DNAH17: variants seen among roughly 807,000 people sequenced by gnomAD.
The protein encoded by DNAH17 is axonemal beta dynein heavy chain 17.
In DNAH17, 376 loss-of-function variants were observed where a neutral mutation model predicts 485.6. The ratio of observed to expected loss-of-function variants is 0.77; its 90% CI spans 0.71 to 0.84. DNAH17 has a LOEUF of 0.84. DNAH17 is among the 40% of genes least tolerant of loss of function. The pLI is 0.00. For synonymous variants in DNAH17, 3,031 were observed against 2,405.9 expected, an observed-to-expected ratio of 1.26 and a Z score of -7.60; for missense variants, 6,370 against 5,839.3, an observed-to-expected ratio of 1.09 and a Z score of -2.96.
rs760506918 is a variant in DNAH17, at chr17:78,567,085, G to A, written c.1366C>T (p.Leu456=). 68 of 1,613,250 alleles carry A rather than the reference G, an allele frequency of 4.2e-5. No individual in the cohort carries two copies. The Admixed American group carries it at 1.1e-3, about 27-fold the overall frequency. ...GGVRGNLLGS[L]VTRIYDEVFE... Reference sequence around the variant, plus strand: ...ACCTCATCATAGATACGGGTCACCAGGCTCCCGAGGAGGTTCCCACGCACG... The same window carrying A: ...ACCTCATCATAGATACGGGTCACCAAGCTCCCGAGGAGGTTCCCACGCACG... The change falls in exon 10 of 81, where the codon CTG becomes TTG. Residue 456 remains leucine, a synonymous_variant. Coordinates refer to ENST00000389840, the MANE Select transcript of DNAH17 (RefSeq NM_173628.4).
At chr17:78,562,552 G>A (rs756132452) in intron 11 of DNAH17, among the ~76,000 whole-genome samples, 74 of 152,144 alleles carry the variant, frequency 4.9e-4, no homozygotes, top group South Asian at 1.0e-3. Context: ...AGCCCCAGAG[G>A]TCAAGGCTGC....
At chr17:78,493,954 G>A in intron 41 of DNAH17, 82 bp downstream of exon 41, 1 of 1,501,198 alleles carries the variant, frequency 6.7e-7, no homozygotes, top group East Asian at 2.4e-5. Flanking sequence ...GGGTGGCGGG[G>A]AGTGATGGAG....
At chr17:78,479,195 C>T (rs2089240486) in intron 50 of DNAH17, 79 bp from the exon 51 acceptor site, 7 of 1,394,890 alleles carry the variant, frequency 5.0e-6, no homozygotes, top group Non-Finnish European at 7.0e-6. Flanking sequence ...TTTCTAAAGC[C>T]AATGGACTAC....
In DNAH17 at chr17:78,505,394, G is replaced by A. The variant is rs754721781; in HGVS notation, c.4855C>T (p.Arg1619Trp). The A allele has an allele frequency of 2.2e-5, 35 of 1,613,856 alleles. No homozygotes were observed. The highest frequency in any genetic ancestry group is 2.5e-5 in the Non-Finnish European group (29 of 1,179,892). The change falls in exon 31 of 81, where the codon CGG becomes TGG. Residue 1619 changes from arginine to tryptophan, a missense_variant. By Grantham distance (101) the Arg-to-Trp change is moderately radical. Coordinates refer to ENST00000389840, the MANE Select transcript of DNAH17 (RefSeq NM_173628.4). ...AGAGGTTTGTCACTGGCATCGAGCC[G>A]GAACTTCAGTTTACACAGGCTATCG... The part of the protein sequence containing the change: ...LFDSLCKLKF[R>W]LDASDKPLKV...
intron 16 of DNAH17, among the ~76,000 whole-genome samples, chr17:78,544,324 G>A (rs140540150): frequency 6.6e-6 from 1 of 152,334 alleles, no homozygotes; most frequent in Non-Finnish European, 1.5e-5. Context: ...TAGGGGGACG[G>A]AAGGACCCGA....
At position 78,561,822 on chromosome 17, in the gene DNAH17, G is replaced by C. The variant is rs773153640; in HGVS notation, c.1728C>G (p.Pro576=). 6.2e-7 allele frequency: 1 copy of C among 1,613,914 alleles called. No individual in the cohort carries two copies. The highest frequency in any genetic ancestry group is 1.1e-5 in the South Asian group (1 of 91,066). The part of the protein sequence containing the change: ...QMAASEEGNI[P]LIHKNMPPVA... ...CGGGAGGCATGTTTTTGTGGATCAG[G>C]GGGATGTTCCCCTCCTCGGAGGCCG... is the stretch of plus-strand genomic sequence containing the variant. The change falls in exon 12 of 81, where the codon CCC becomes CCG. Residue 576 remains proline (P), a synonymous_variant. Coordinates refer to ENST00000389840, the MANE Select transcript of DNAH17 (RefSeq NM_173628.4).
In DNAH17 at chr17:78,476,578, G is replaced by A; in HGVS notation, c.8148C>T (p.Phe2716=). Residue 2716 remains phenylalanine, a synonymous_variant, in exon 52 of 81, where the codon TTC becomes TTT. Coordinates refer to ENST00000389840, the MANE Select transcript of DNAH17 (RefSeq NM_173628.4). Reference sequence around the variant, plus strand: ...ACTGGGCAGCTTGACTTACATCAAAGAACTTCTTGGTGGAGGCCATGGTGA... The same window carrying A: ...ACTGGGCAGCTTGACTTACATCAAAAAACTTCTTGGTGGAGGCCATGGTGA... ...HRVTMASTKK[F]FDDLGDELLF... The A allele has an allele frequency of 6.2e-7, 1 of 1,609,622 alleles. No individual in the cohort carries two copies. The highest frequency in any genetic ancestry group is 8.5e-7 in the Non-Finnish European group (1 of 1,177,996).
In DNAH17 at chr17:78,544,218, A is replaced by C. The variant is rs2091686800; in HGVS notation, c.2392-221T>G. ...AATAATTTAGCTCAAAACCAAAACC[A>C]GGGCCTAGGGGAACCACAGAAAGAC... On this transcript the variant is annotated intron_variant, in intron 16 of 80. Coordinates refer to ENST00000389840, the MANE Select transcript of DNAH17 (RefSeq NM_173628.4). Among the ~76,000 whole-genome samples the C allele has an allele frequency of 2.0e-5, 3 of 152,174 alleles. 1 individual carries two copies. In the South Asian group the frequency reaches 6.2e-4, roughly 32 times the overall value.
At chr17:78,515,430 T>A (rs1271683278) in intron 25 of DNAH17, among the ~76,000 whole-genome samples, 1 of 152,108 alleles carries the variant, frequency 6.6e-6, no homozygotes, top group Non-Finnish European at 1.5e-5. Flanking sequence ...AATCACTTGA[T>A]CCTGGGAGAC....
At position 78,491,569 on chromosome 17, in the gene DNAH17, G is replaced by A. The variant is rs778902843; in HGVS notation, c.6543C>T (p.Gly2181=). ...GGTCTCGCATGATGGTGGAGAACAG[G>A]CCTGGGGGAGGCGCGTGGTATGACC... ...INPVTREWKD[G]LFSTIMRDLA... is the part of the protein sequence containing the mutation. Residue 2181 remains glycine (G), a splice_region_variant and synonymous_variant, in exon 43 of 81, where the codon GGC becomes GGT. Coordinates refer to ENST00000389840, the MANE Select transcript of DNAH17 (RefSeq NM_173628.4). 1.2e-6 allele frequency: 2 copies of A among 1,613,788 alleles called. No homozygotes were observed. The highest frequency in any genetic ancestry group is 2.2e-5 in the East Asian group (1 of 44,884).
chr17:78,573,760 T>C (rs952440992), intron 2 of DNAH17, among the ~76,000 whole-genome samples: 1 of 151,954 alleles, frequency 6.6e-6, no homozygotes, highest in Non-Finnish European at 1.5e-5. Flanking sequence ...AGAGAGGCCT[T>C]GGGGAAAACC....
In DNAH17 at chr17:78,501,032, A is replaced by G. The variant is rs691127; in HGVS notation, c.5483+152T>C. 0.84 allele frequency: 720,160 copies of G among 853,904 alleles called. 305,264 individuals carry two copies. The highest frequency in any genetic ancestry group is 0.99 in the East Asian group (34,574 of 34,994). The allele number at this position is 853,904 out of a possible 1,614,324, so 52.9% of individuals were successfully genotyped here. On this transcript the variant is annotated intron_variant, in intron 35 of 80. Coordinates refer to ENST00000389840, the MANE Select transcript of DNAH17 (RefSeq NM_173628.4). ...ACAGCCGGTGCTAGAACAAGGACAC[A>G]GTGGTAGAACTGAATGTGAACACAG...
intron 71 of DNAH17, among the ~76,000 whole-genome samples, chr17:78,442,552 CTA>C (rs1162202020): frequency 6.6e-6 from 1 of 152,026 alleles, no homozygotes; most frequent in African/African-American, 2.4e-5. Flanking sequence ...AGGAATGACT[CTA>C]GATCACCTTT....
At chr17:78,494,881 G>A in intron 39 of DNAH17, 61 bp from the exon 40 acceptor site, 1 of 1,574,314 alleles carries the variant, frequency 6.4e-7, no homozygotes, top group Non-Finnish European at 8.6e-7. Context: ...CAGCAGGCAG[G>A]TCTGGAAGCC....
Position 78,458,801 on chromosome 17 carries a change from G to A in DNAH17, c.9862-121C>T, listed in dbSNP as rs1236772499. 11 of 1,062,762 alleles carry A rather than the reference G, an allele frequency of 1.0e-5. No homozygotes were observed. The South Asian group carries it at 1.4e-4, about 13-fold the overall frequency. The allele number at this position is 1,062,762 out of a possible 1,614,324, so 65.8% of individuals were successfully genotyped here. On this transcript the variant is annotated intron_variant, in intron 61 of 80. Transcript: ENST00000389840. ...TGGAAGAGGCTCCCACAAAGGCTGA[G>A]AGCCCTCTGGAGCATGGAGGCTAAG...
intron 16 of DNAH17, among the ~76,000 whole-genome samples, chr17:78,548,439 C>G (rs987343183): frequency 1.3e-5 from 2 of 151,930 alleles, no homozygotes; most frequent in African/African-American, 4.8e-5. Context: ...CTCCTGACCT[C>G]GTGATCCACC....
chr17:78,496,799 G>C lies in DNAH17; in HGVS notation c.5746-767C>G, dbSNP rs2090090818. ...CCATTCTCCTGCCTCAGCCTCCCGA[G>C]TAGCTGGGACTACAGGCGCCCGCCA... is the stretch of plus-strand genomic sequence containing the variant. On this transcript the variant is annotated intron_variant, in intron 37 of 80. Coordinates refer to ENST00000389840, the MANE Select transcript of DNAH17 (RefSeq NM_173628.4). 2.6e-5 allele frequency: 4 copies of C among 151,294 alleles called. No homozygotes were observed. The South Asian group carries it at 6.3e-4, about 24-fold the overall frequency. The allele number at this position is 151,294 out of a possible 1,614,324, so 9.4% of individuals were successfully genotyped here. A position where few individuals can be genotyped will look rare whatever the true frequency, so the allele number is the denominator to read the frequency against.
At chr17:78,477,383 T>A (rs2089081014) in intron 51 of DNAH17, among the ~76,000 whole-genome samples, 1 of 151,222 alleles carries the variant, frequency 6.6e-6, no homozygotes, top group Non-Finnish European at 1.5e-5. Context: ...TTTTTTTTTT[T>A]ATTGATACTT....
intron 11 of DNAH17, among the ~76,000 whole-genome samples, chr17:78,564,336 C>G (rs2092223475): frequency 6.6e-6 from 1 of 151,992 alleles, no homozygotes; most frequent in African/African-American, 2.4e-5. Flanking sequence ...GGGGACTCAT[C>G]TGGCCCTGGC....
Sources: gnomAD v4.1 joint callset for allele counts (sites outside exome capture counted in the v4.1 genomes callset) on GRCh38, gnomAD v4.1.1 for gene constraint, MANE v1.5 for transcripts, NCBI Gene and HGNC (gene_info 2026-07-23, HGNC 2026-07-21) for gene names.